The following PKNOX1 variants were observed in gnomAD, a reference collection of about 807,000 sequenced individuals.
The protein encoded by PKNOX1 is homeobox protein PKNOX1.
In PKNOX1, 15 loss-of-function variants were observed where a neutral mutation model predicts 51.9. The observed-to-expected ratio is 0.29, with a 90% CI of 0.19 to 0.45. PKNOX1 has a LOEUF of 0.45. PKNOX1 is among the 20% of genes least tolerant of loss of function. PKNOX1 has a pLI of 1.00. For synonymous variants in PKNOX1, 219 were observed against 211.1 expected (o/e 1.04, Z -0.32); for missense variants, 462 against 547.5 (o/e 0.84, Z 1.56).
chr21:43,033,877 C>A lies in PKNOX1; in HGVS notation c.*3776C>A, dbSNP rs573039014. ...ACAAATCTAATTATTTTGATAGTTA[C>A]AAGAAGATAATGATTCATCAGTAAG... On this transcript the variant is annotated 3_prime_UTR_variant, in exon 11 of 11. Transcript: ENST00000291547. The A allele has an allele frequency of 2.0e-5, 3 of 152,092 alleles. No individual in the cohort carries two copies. The highest frequency in any genetic ancestry group is 4.4e-5 in the Non-Finnish European group (3 of 68,008). The allele number at this position is 152,092 out of a possible 1,614,324, so 9.4% of individuals were successfully genotyped here.
Position 43,031,388 on chromosome 21 carries a change from T to G in PKNOX1, c.*1287T>G, listed in dbSNP as rs1568908307. On this transcript the variant is annotated 3_prime_UTR_variant, in exon 11 of 11. Transcript: ENST00000291547. ...TGGTCTCCTGGTGTCAGTGTTCTCT[T>G]GTACGTTGTTGCTTTCGACTTTTCA... is the stretch of plus-strand genomic sequence containing the variant. 1 of 152,336 alleles carries G rather than the reference T, an allele frequency of 6.6e-6. No individual in the cohort carries two copies. The highest frequency in any genetic ancestry group is 1.5e-5 in the Non-Finnish European group (1 of 68,044). The allele number at this position is 152,336 out of a possible 1,614,324, so 9.4% of individuals were successfully genotyped here. A position where few individuals can be genotyped will look rare whatever the true frequency, so the allele number is the denominator to read the frequency against.
chr21:42,997,452 C>T (rs1454335773), intron 1 of PKNOX1, among the ~76,000 whole-genome samples: 9 of 152,140 alleles, frequency 5.9e-5, no homozygotes, highest in Admixed American at 2.0e-4. Flanking sequence ...TTAAAATTGC[C>T]TAAAGTGGAA....
At chr21:43,019,916 G>C in intron 7 of PKNOX1, among the ~76,000 whole-genome samples, 1 of 141,790 alleles carries the variant, frequency 7.1e-6, no homozygotes, top group Non-Finnish European at 1.5e-5. Context: ...TTTTTTTGCA[G>C]GTGCTCTGAT....
At chr21:42,978,491 T>C (rs71316190) in intron 1 of PKNOX1, among the ~76,000 whole-genome samples, 6,066 of 147,454 alleles carry the variant, frequency 0.041, 129 homozygotes, top group Non-Finnish European at 0.051. Context: ...CTTTTCTTTT[T>C]TTTTTTTTTT....
intron 1 of PKNOX1, among the ~76,000 whole-genome samples, chr21:42,975,047 C>CGGGGCCGGGGCG (rs1568883271): frequency 7.1e-6 from 1 of 141,064 alleles, no homozygotes; most frequent in Admixed American, 6.9e-5. Context: ...CGCCCCGGCG[C>CGGGGCCGGGGCG]GGGGCGGGGG....
At chr21:42,988,015 T>C (rs925289206) in intron 1 of PKNOX1, among the ~76,000 whole-genome samples, 1 of 151,698 alleles carries the variant, frequency 6.6e-6, no homozygotes, top group Non-Finnish European at 1.5e-5. Context: ...TTACAGAAAA[T>C]GTTTGCTGGT....
intron 1 of PKNOX1, among the ~76,000 whole-genome samples, chr21:42,991,510 A>C (rs428979): frequency 0.36 from 54,254 of 151,812 alleles, 10,007 homozygotes; most frequent in African/African-American, 0.41. Context: ...TAGGATCATG[A>C]GGTCAGGAGA....
chr21:42,975,120 G>A (rs1320238678), intron 1 of PKNOX1, among the ~76,000 whole-genome samples: 1 of 145,072 alleles, frequency 6.9e-6, no homozygotes, highest in Non-Finnish European at 1.5e-5. Flanking sequence ...GGCGGGGCGG[G>A]GCCGGGGCGG....
Position 43,030,700 on chromosome 21 carries a change from A to G in PKNOX1, c.*599A>G, listed in dbSNP as rs985623458. On this transcript the variant is annotated 3_prime_UTR_variant, in exon 11 of 11. Coordinates refer to ENST00000291547, the MANE Select transcript of PKNOX1 (RefSeq NM_004571.5). ...ACCTTGCTGGAATTATTGGATAAAA[A>G]AGCTATTTTTATAAATTCGTTATGA... 1 of 152,670 alleles carries G rather than the reference A, an allele frequency of 6.6e-6. No homozygotes were observed. Among genetic ancestry groups the G allele is most frequent in the Admixed American group, 6.5e-5 (1 of 15,280 alleles). The allele number at this position is 152,670 out of a possible 1,614,324, so 9.5% of individuals were successfully genotyped here. A position where few individuals can be genotyped will look rare whatever the true frequency, so the allele number is the denominator to read the frequency against.
chr21:42,987,404 A>AAAAAAATATATATAT, intron 1 of PKNOX1, among the ~76,000 whole-genome samples: 4 of 41,418 alleles, frequency 9.7e-5, no homozygotes, highest in African/African-American at 2.8e-4. Context: ...AAAAAAAAAA[A>AAAAAAATATATATAT]ATATATATAT....
rs1979417971 is a variant in PKNOX1, at chr21:43,014,830, A to C, written c.522+1592A>C. 3.3e-5 allele frequency among the ~76,000 whole-genome samples: 5 copies of C among 152,174 alleles called. No homozygotes were observed. In the South Asian group the frequency reaches 8.3e-4, roughly 25 times the overall value. ...CTCCCACCCTGTGATTCCTTTTCAA[A>C]ATTGTTTAGCTGTTCTGGTTCCTTT... On this transcript the variant is annotated intron_variant, in intron 5 of 10. Transcript: ENST00000291547.
rs76687074 is a variant in PKNOX1, at chr21:43,028,470, C to T, written c.927-232C>T. 2,504 of 499,752 alleles carry T rather than the reference C, an allele frequency of 5.0e-3. 81 individuals are homozygous for T. Among genetic ancestry groups the T allele is most frequent in the African/African-American group, 0.047 (2,324 of 49,900 alleles). The allele number at this position is 499,752 out of a possible 1,614,324, so 31.0% of individuals were successfully genotyped here. A position where few individuals can be genotyped will look rare whatever the true frequency, so the allele number is the denominator to read the frequency against. On this transcript the variant is annotated intron_variant, in intron 9 of 10. Coordinates refer to ENST00000291547, the MANE Select transcript of PKNOX1 (RefSeq NM_004571.5). ...GAGACAAAAAAAAAAATGCCATGGACGAGTTGGTGCTTATTTGCATGATTT... is the reference window on the plus strand; with the variant it reads ...GAGACAAAAAAAAAAATGCCATGGATGAGTTGGTGCTTATTTGCATGATTT...
intron 2 of PKNOX1, among the ~76,000 whole-genome samples, chr21:43,007,148 C>T (rs1232377681): frequency 6.6e-6 from 1 of 152,178 alleles, no homozygotes; most frequent in Non-Finnish European, 1.5e-5. Context: ...TTTGTCTATG[C>T]TTCTCTGACT....
chr21:42,983,029 C>T (rs1054454232), intron 1 of PKNOX1, among the ~76,000 whole-genome samples: 11 of 152,038 alleles, frequency 7.2e-5, no homozygotes, highest in Non-Finnish European at 1.5e-4. Context: ...AGGCTGGTCT[C>T]GAACTCCTGA....
At chr21:43,028,502 C>A in intron 9 of PKNOX1, 200 bp from the exon 10 acceptor site, 1 of 593,262 alleles carries the variant, frequency 1.7e-6, no homozygotes, top group Non-Finnish European at 3.0e-6. Context: ...ATTTTTAAAA[C>A]AACAGGCTCT....
chr21:43,024,300 C>T (rs997907757), intron 8 of PKNOX1: 8 of 152,174 alleles, frequency 5.3e-5, no homozygotes, highest in African/African-American at 1.9e-4. Flanking sequence ...GGGATGGGGG[C>T]AGTTTGTAAA....
At chr21:43,007,685 G>T in intron 3 of PKNOX1, 67 bp downstream of exon 3, 1 of 1,574,736 alleles carries the variant, frequency 6.4e-7, no homozygotes, top group South Asian at 1.1e-5. Flanking sequence ...TTTGTTAAAA[G>T]GAACACCAGA....
Position 42,981,989 on chromosome 21 carries a change from T to C in PKNOX1, c.-57+7325T>C, listed in dbSNP as rs2059028830. Reference sequence around the variant, plus strand: ...AGGGCTCTTGGCCTTCCGCTTCAATTAGGTGGTTGCCCTCCACTGTCTGTT... The same window carrying C: ...AGGGCTCTTGGCCTTCCGCTTCAATCAGGTGGTTGCCCTCCACTGTCTGTT... On this transcript the variant is annotated intron_variant, in intron 1 of 10. Coordinates refer to ENST00000291547, the MANE Select transcript of PKNOX1 (RefSeq NM_004571.5). Among the ~76,000 whole-genome samples, 4 of 152,220 alleles carry C rather than the reference T, an allele frequency of 2.6e-5. No homozygotes were observed. In the South Asian group the frequency reaches 8.3e-4, roughly 32 times the overall value.
rs374373098 is a variant in PKNOX1, at chr21:42,975,566, T to C, written c.-57+902T>C. On this transcript the variant is annotated intron_variant, in intron 1 of 10. Transcript: ENST00000291547. ...AAAATGAAGAAACGCGGAGTCTGCT[T>C]TATGTCATCCTCGTGGCTCTCGAAA... Among the ~76,000 whole-genome samples the C allele has an allele frequency of 2.0e-5, 3 of 152,214 alleles. No homozygotes were observed. In the East Asian group the frequency reaches 5.8e-4, roughly 29 times the overall value.
Sources: allele counts gnomAD v4.1 joint callset (sites outside exome capture counted in the v4.1 genomes callset), GRCh38; gene constraint gnomAD v4.1.1; transcripts MANE v1.5; gene names NCBI Gene and HGNC (gene_info 2026-07-23, HGNC 2026-07-21).